The following CYP3A43 variants were observed in gnomAD, a reference collection of about 807,000 sequenced individuals.
CYP3A43 encodes the protein cytochrome P450 family 3 subfamily A member 43, also known as cytochrome P450 3A43.
Under a neutral mutation model 58.0 loss-of-function variants are expected in CYP3A43, and 45 were observed. The ratio of observed to expected loss-of-function variants is 0.78; its 90% CI spans 0.61 to 0.99. The LOEUF (loss-of-function observed/expected upper bound fraction) is 0.99, where lower values mean the gene tolerates loss of function less well. CYP3A43 is among the 50% of genes least tolerant of loss of function. The pLI is 0.00. For synonymous variants in CYP3A43, 191 were observed against 201.4 expected, an observed-to-expected ratio of 0.95 and a Z score of 0.44; for missense variants, 593 against 591.9, an observed-to-expected ratio of 1.00 and a Z score of -0.02.
chr7:99,861,004 G>A (rs903907458), intron 10 of CYP3A43, among the ~76,000 whole-genome samples: 1 of 152,056 alleles, frequency 6.6e-6, no homozygotes, highest in South Asian at 2.1e-4. Flanking sequence ...CACCTGAGTA[G>A]CTGGGATTAC....
chr7:99,837,015 C>T (rs1817110611), intron 2 of CYP3A43, among the ~76,000 whole-genome samples: 1 of 151,968 alleles, frequency 6.6e-6, no homozygotes. Context: ...TTTGAAAATT[C>T]AGTTCATTGG....
chr7:99,861,510 G>T lies in CYP3A43; in HGVS notation c.1027-103G>T, dbSNP rs6954903. 7.2e-3 allele frequency: 6,906 copies of T among 953,804 alleles called. 164 individuals carry two copies. The highest frequency in any genetic ancestry group is 0.068 in the African/African-American group (4,105 of 60,484). 59.1% of individuals were successfully genotyped at this position (953,804 alleles called of 1,614,324 possible). On this transcript the variant is annotated intron_variant, in intron 10 of 12. Transcript: ENST00000354829. ...AAATGCAACAATCTTTTACCAGAAT[G>T]AATTATTCTCTGGAGCTCCTAACAC...
Position 99,859,972 on chromosome 7 carries a change from C to A in CYP3A43, c.1008C>A (p.Asp336Glu). Reference sequence around the variant, plus strand: ...AGCAGAAACTGCAGGAGGAGATTGACGCAGTTTTACCCAATAAGGTAAGGG... The same window carrying A: ...AGCAGAAACTGCAGGAGGAGATTGAAGCAGTTTTACCCAATAAGGTAAGGG... ...DVQQKLQEEIDAVLPNKAPVT... is the reference protein window; with the variant it reads ...DVQQKLQEEIEAVLPNKAPVT... Residue 336 changes from aspartate to glutamate, a missense_variant, in exon 10 of 13, where the codon GAC (aspartate) becomes GAA (glutamate). Coordinates refer to ENST00000354829, the MANE Select transcript of CYP3A43 (RefSeq NM_057095.3). The A allele has an allele frequency of 6.2e-7, 1 of 1,607,350 alleles. No individual in the cohort carries two copies.
chr7:99,860,614 G>GTAACCAGAT (rs1468592556), intron 10 of CYP3A43, among the ~76,000 whole-genome samples: 1 of 152,192 alleles, frequency 6.6e-6, no homozygotes, highest in African/African-American at 2.4e-5. Context: ...TGGCCTTGGG[G>GTAACCAGAT]CTGGCCCTGG....
chr7:99,857,634 G>C (rs1341629747), intron 9 of CYP3A43, among the ~76,000 whole-genome samples: 1 of 152,198 alleles, frequency 6.6e-6, no homozygotes, highest in Non-Finnish European at 1.5e-5. Flanking sequence ...CCTAGGGTCA[G>C]GAGTTCGAGA....
At chr7:99,829,805 A>C (rs1367940803) in intron 1 of CYP3A43, among the ~76,000 whole-genome samples, 2 of 152,186 alleles carry the variant, frequency 1.3e-5, no homozygotes, top group African/African-American at 4.8e-5. Flanking sequence ...TCACCTCCTG[A>C]AATGAGGCAC....
chr7:99,829,533 G>A (rs1039234127), intron 1 of CYP3A43, among the ~76,000 whole-genome samples: 1 of 152,146 alleles, frequency 6.6e-6, no homozygotes, highest in Non-Finnish European at 1.5e-5. Flanking sequence ...ACAACTTAAA[G>A]TCTTTCAGAT....
At chr7:99,828,228 C>A in intron 1 of CYP3A43, 42 bp downstream of exon 1, 2 of 1,450,770 alleles carry the variant, frequency 1.4e-6, no homozygotes, top group South Asian at 1.5e-5. Flanking sequence ...ACTCTAAGAC[C>A]TGAAGTGCTA....
intron 3 of CYP3A43, among the ~76,000 whole-genome samples, chr7:99,843,484 G>A (rs1262863803): frequency 2.0e-5 from 3 of 151,258 alleles, no homozygotes; most frequent in Non-Finnish European, 4.4e-5. Flanking sequence ...TTTTTATTTT[G>A]AGATGGAGTG....
At chr7:99,860,204 G>A (rs1315758327) in intron 10 of CYP3A43, among the ~76,000 whole-genome samples, 1 of 152,152 alleles carries the variant, frequency 6.6e-6, no homozygotes, top group Admixed American at 6.5e-5. Context: ...AACAGTGCTG[G>A]TCCTGCTGCA....
chr7:99,834,591 G>A (rs1329098948), intron 1 of CYP3A43, among the ~76,000 whole-genome samples: 1 of 152,216 alleles, frequency 6.6e-6, no homozygotes, highest in African/African-American at 2.4e-5. Context: ...AGCATTTGGA[G>A]CCTCTAGCCG....
chr7:99,865,990 A>G lies in CYP3A43; in HGVS notation c.1501A>G (p.Ser501Gly), dbSNP rs2151631240. 6 of 1,600,732 alleles carry G rather than the reference A, an allele frequency of 3.7e-6. No homozygotes were observed. Among genetic ancestry groups the G allele is most frequent in the South Asian group, 1.1e-5 (1 of 87,850 alleles). ...AGTGCACTTAAGAGATGGGATTACA[A>G]GTGGACCCTGACTTTCCCTAAGGAC... ...LKVHLRDGITSGP is the reference protein window; with the variant it reads ...LKVHLRDGITGGP The change falls in exon 13 of 13, where the codon AGT (serine) becomes GGT (glycine). Residue 501 changes from serine to glycine, a missense_variant. Transcript: ENST00000354829.
At chr7:99,857,790 C>T (rs754339118) in intron 9 of CYP3A43, among the ~76,000 whole-genome samples, 12 of 152,110 alleles carry the variant, frequency 7.9e-5, no homozygotes, top group Non-Finnish European at 1.6e-4. Context: ...TTGCAGTGAG[C>T]CAAGATCACA....
intron 1 of CYP3A43, among the ~76,000 whole-genome samples, chr7:99,828,671 A>G (rs79352180): frequency 6.6e-6 from 1 of 152,122 alleles, no homozygotes; most frequent in African/African-American, 2.4e-5. Flanking sequence ...AAAAAAAAAA[A>G]TAAAACTTTG....
At chr7:99,830,448 G>A (rs1816799411) in intron 1 of CYP3A43, among the ~76,000 whole-genome samples, 1 of 152,074 alleles carries the variant, frequency 6.6e-6, no homozygotes, top group Admixed American at 6.6e-5. Flanking sequence ...AACCCTGGAG[G>A]CAGAGGTTGC....
At chr7:99,853,758 G>A (rs2151615627) in intron 7 of CYP3A43, among the ~76,000 whole-genome samples, 1 of 152,324 alleles carries the variant, frequency 6.6e-6, no homozygotes, top group African/African-American at 2.4e-5. Flanking sequence ...GGTTTTTACT[G>A]TTGGTCAAGC....
intron 1 of CYP3A43, among the ~76,000 whole-genome samples, chr7:99,833,850 A>C (rs1816950329): frequency 6.6e-6 from 1 of 152,196 alleles, no homozygotes; most frequent in Non-Finnish European, 1.5e-5. Flanking sequence ...CCTAATAAAC[A>C]GGGGTAAAAG....
chr7:99,838,517 CAT>C (rs1458127100), intron 2 of CYP3A43, among the ~76,000 whole-genome samples: 1 of 152,182 alleles, frequency 6.6e-6, no homozygotes, highest in African/African-American at 2.4e-5. Context: ...GCAGAGACAA[CAT>C]ATGCAGAAAT....
rs117211419 is a variant in CYP3A43, at chr7:99,850,692, C to A, written c.670+998C>A. Reference sequence around the variant, plus strand: ...CCCTCAGCTTTAAGCAACCACTAATCTACTTTCTGTCTCTAGATTTGCCTA... The same window carrying A: ...CCCTCAGCTTTAAGCAACCACTAATATACTTTCTGTCTCTAGATTTGCCTA... On this transcript the variant is annotated intron_variant, in intron 7 of 12. Coordinates refer to ENST00000354829, the MANE Select transcript of CYP3A43 (RefSeq NM_057095.3). Among the ~76,000 whole-genome samples the A allele has an allele frequency of 9.1e-3, 1,381 of 152,310 alleles. 7 individuals carry two copies. The highest frequency in any genetic ancestry group is 0.014 in the Non-Finnish European group (951 of 68,016).
Sources: allele counts gnomAD v4.1 joint callset (sites outside exome capture counted in the v4.1 genomes callset), GRCh38; gene constraint gnomAD v4.1.1; transcripts MANE v1.5; gene names NCBI Gene and HGNC (gene_info 2026-07-23, HGNC 2026-07-21).